The following CHST15 variants were observed in gnomAD, a reference collection of about 807,000 sequenced individuals.
The protein encoded by CHST15 is B cell RAG associated protein (GALNAC4S-6ST).
In CHST15, 30 loss-of-function variants were observed where a neutral mutation model predicts 53.6. That is an observed-to-expected ratio of 0.56 (90% confidence interval 0.42 to 0.76). The LOEUF is 0.76. Among genes scored for constraint, CHST15 ranks in the 30% least tolerant of loss-of-function variants. The pLI, the probability that CHST15 is intolerant of heterozygous loss-of-function variation, is 0.00. For synonymous variants in CHST15, 296 were observed against 289.8 expected (o/e 1.02, Z -0.22); for missense variants, 627 against 740.5 (o/e 0.85, Z 1.78).
rs1387867930 is a variant in CHST15, at chr10:124,036,993, T to C, written c.1190+1522A>G. 6.6e-6 allele frequency among the ~76,000 whole-genome samples: 1 copy of C among 151,940 alleles called. No individual in the cohort carries two copies. On this transcript the variant is annotated intron_variant, in intron 5 of 7. Coordinates refer to ENST00000435907, the MANE Select transcript of CHST15 (RefSeq NM_001270764.2). This position sits in a 1 kb window ranked among gnomAD's most constrained non-coding sequence, Gnocchi z 5.1. ...CTGAAACCCAGGTGTGGGGCAGAGGTGGTTCCTCTGGGATGCCAGGGGAGA... is the reference window on the plus strand; with the variant it reads ...CTGAAACCCAGGTGTGGGGCAGAGGCGGTTCCTCTGGGATGCCAGGGGAGA...
chr10:124,010,120 G>A lies in CHST15; in HGVS notation c.*29C>T, dbSNP rs552112044. The stretch of plus-strand genomic sequence containing the variant: ...ATCCTGATGATGACGGCATTGGCGG[G>A]CCCAGCACGTGCAGCAACAATTCAG... On this transcript the variant is annotated 3_prime_UTR_variant, in exon 8 of 8. Coordinates refer to ENST00000435907, the MANE Select transcript of CHST15 (RefSeq NM_001270764.2). 6 of 1,610,678 alleles carry A rather than the reference G, an allele frequency of 3.7e-6. No homozygotes were observed. Among genetic ancestry groups the A allele is most frequent in the East Asian group, 4.5e-5 (2 of 44,884 alleles).
intron 1 of CHST15, among the ~76,000 whole-genome samples, chr10:124,061,905 C>T (rs1469489708): frequency 1.3e-5 from 2 of 152,000 alleles, no homozygotes; most frequent in South Asian, 2.1e-4. Flanking sequence ...CTAAAGACTG[C>T]GCAAAGCACC....
intron 1 of CHST15, among the ~76,000 whole-genome samples, chr10:124,075,189 G>A (rs557905362): frequency 1.3e-5 from 2 of 152,284 alleles, no homozygotes; most frequent in Admixed American, 1.3e-4. Context: ...ACATGGAGGT[G>A]CTGTTTGTTA....
At chr10:124,018,480 T>C (rs116393290) in intron 6 of CHST15, among the ~76,000 whole-genome samples, 1 of 152,240 alleles carries the variant, frequency 6.6e-6, no homozygotes, top group East Asian at 1.9e-4. Context: ...TATCTCATGG[T>C]CATGCACTGG....
At chr10:124,027,740 G>C (rs1251600381) in intron 5 of CHST15, among the ~76,000 whole-genome samples, 1 of 152,150 alleles carries the variant, frequency 6.6e-6, no homozygotes, top group African/African-American at 2.4e-5. Context: ...CATTTTACTG[G>C]GGGAGAAGGC....
At chr10:124,058,152 C>T (rs971922501) in intron 1 of CHST15, among the ~76,000 whole-genome samples, 2 of 151,574 alleles carry the variant, frequency 1.3e-5, no homozygotes, top group Non-Finnish European at 2.9e-5. Flanking sequence ...CTACTGACTC[C>T]GGTTTTCCAA....
At chr10:124,054,524 C>T (rs544821921) in intron 1 of CHST15, among the ~76,000 whole-genome samples, 19 of 152,328 alleles carry the variant, frequency 1.2e-4, no homozygotes, top group East Asian at 5.8e-4. Flanking sequence ...GCCTCCCCTG[C>T]GTCCTGAGCT....
chr10:124,017,070 T>C (rs1259709354), intron 6 of CHST15, among the ~76,000 whole-genome samples: 2 of 152,112 alleles, frequency 1.3e-5, no homozygotes, highest in Non-Finnish European at 2.9e-5. Flanking sequence ...CTCTGCATGG[T>C]ACAAAGTGCC....
chr10:124,064,238 C>G (rs966219179), intron 1 of CHST15, among the ~76,000 whole-genome samples: 3 of 152,074 alleles, frequency 2.0e-5, no homozygotes, highest in African/African-American at 7.2e-5. Flanking sequence ...TTCAAGCTGA[C>G]TGGTACAATC....
intron 1 of CHST15, among the ~76,000 whole-genome samples, chr10:124,090,932 G>C (rs896529010): frequency 1.3e-5 from 2 of 152,238 alleles, no homozygotes; most frequent in African/African-American, 4.8e-5. Flanking sequence ...GAGCCGCAAA[G>C]ACAGGGTTGG....
chr10:124,086,824 G>C (rs1011203053), intron 1 of CHST15, among the ~76,000 whole-genome samples: 1 of 152,128 alleles, frequency 6.6e-6, no homozygotes, highest in African/African-American at 2.4e-5. Flanking sequence ...TTTACAGATG[G>C]GGAAACCGAG....
intron 1 of CHST15, among the ~76,000 whole-genome samples, chr10:124,055,193 CT>C (rs1948335807): frequency 6.6e-6 from 1 of 152,224 alleles, no homozygotes; most frequent in Non-Finnish European, 1.5e-5. Flanking sequence ...TCTAAAAGGT[CT>C]AAAAACATCT....
At chr10:124,079,266 T>G (rs1210099137) in intron 1 of CHST15, among the ~76,000 whole-genome samples, 2 of 152,232 alleles carry the variant, frequency 1.3e-5, no homozygotes, top group African/African-American at 4.8e-5. Flanking sequence ...TTGGGAAAAC[T>G]TTGCAATGTG....
intron 1 of CHST15, among the ~76,000 whole-genome samples, chr10:124,084,872 C>T (rs1450228906): frequency 6.6e-6 from 1 of 152,192 alleles, no homozygotes; most frequent in Non-Finnish European, 1.5e-5. Flanking sequence ...CCTGATGATA[C>T]CCACAAGATC....
At chr10:124,068,447 T>C (rs900820042) in intron 1 of CHST15, among the ~76,000 whole-genome samples, 1 of 152,230 alleles carries the variant, frequency 6.6e-6, no homozygotes, top group Non-Finnish European at 1.5e-5. Context: ...CTCATCATGG[T>C]AACCATCACT....
intron 1 of CHST15, among the ~76,000 whole-genome samples, chr10:124,064,171 T>C (rs753131833): frequency 2.0e-5 from 3 of 151,842 alleles, no homozygotes; most frequent in Admixed American, 6.6e-5. Context: ...CCTCCTGGGC[T>C]AAAACGAAAT....
intron 5 of CHST15, among the ~76,000 whole-genome samples, chr10:124,029,623 G>A (rs1194584998): frequency 3.9e-5 from 6 of 152,192 alleles, no homozygotes; most frequent in Non-Finnish European, 5.9e-5. Flanking sequence ...GCACCTTCTC[G>A]TGATTCACCA....
intron 3 of CHST15, among the ~76,000 whole-genome samples, chr10:124,043,537 C>T (rs1339782460): frequency 6.6e-6 from 1 of 152,232 alleles, no homozygotes; most frequent in East Asian, 1.9e-4. Flanking sequence ...TGGAAAACAC[C>T]CTCGTGGCCT....
intron 6 of CHST15, among the ~76,000 whole-genome samples, chr10:124,018,593 G>A (rs905543740): frequency 1.3e-5 from 2 of 152,208 alleles, no homozygotes; most frequent in African/African-American, 4.8e-5. Context: ...AGCATTTTAT[G>A]GCCAGCTTCA....
Sources: allele counts gnomAD v4.1 joint callset (sites outside exome capture counted in the v4.1 genomes callset), GRCh38; gene constraint gnomAD v4.1.1; non-coding constraint Gnocchi (gnomAD v3.1); transcripts MANE v1.5; gene names NCBI Gene and HGNC (gene_info 2026-07-23, HGNC 2026-07-21).